The following ICE1 variants were observed in gnomAD, a reference collection of about 807,000 sequenced individuals.
The protein encoded by ICE1 is little elongation complex subunit 1.
In ICE1, 64 loss-of-function variants were observed where a neutral mutation model predicts 192.7. That is an observed-to-expected ratio of 0.33 (90% CI 0.27 to 0.41). ICE1 has a LOEUF of 0.41. Ranked by LOEUF, ICE1 falls within the 10% of genes least tolerant of loss-of-function variation. The pLI is 1.00. For missense variants in ICE1, 2,708 were observed against 2,696.0 expected (o/e 1.00, Z -0.10); for synonymous variants, 1,010 against 984.5 (o/e 1.03, Z -0.49).
intron 17 of ICE1, among the ~76,000 whole-genome samples, chr5:5,481,602 A>C (rs1739504856): frequency 6.6e-6 from 1 of 152,240 alleles, no homozygotes; most frequent in Non-Finnish European, 1.5e-5. Flanking sequence ...TAGTGTCTGC[A>C]AAGCTCTATA....
intron 1 of ICE1, among the ~76,000 whole-genome samples, chr5:5,423,966 A>C (rs1737433006): frequency 6.6e-6 from 1 of 152,122 alleles, no homozygotes; most frequent in East Asian, 1.9e-4. Flanking sequence ...TAGCTAGAGT[A>C]GTCAGGTAGG....
Position 5,447,473 on chromosome 5 carries a change from A to T in ICE1, c.471A>T (p.Glu157Asp). The change falls in exon 8 of 19, where the codon GAA becomes GAT. Residue 157 changes from glutamate (E) to aspartate (D), a missense_variant. Glu to Asp is a conservative substitution (Grantham distance 45). Transcript: ENST00000296564. ...QTQDFKQLRNEKKILEKEFKK... is the reference protein window; with the variant it reads ...QTQDFKQLRNDKKILEKEFKK... ...AGGACTTCAAGCAACTGAGAAATGAAAAGAAAATACTTGAAAAGGAATTTA... is the reference window on the plus strand; with the variant it reads ...AGGACTTCAAGCAACTGAGAAATGATAAGAAAATACTTGAAAAGGAATTTA... 6.4e-7 allele frequency: 1 copy of T among 1,552,830 alleles called. No homozygotes were observed.
intron 1 of ICE1, among the ~76,000 whole-genome samples, chr5:5,432,772 A>G (rs913634085): frequency 2.6e-5 from 4 of 152,172 alleles, no homozygotes; most frequent in Non-Finnish European, 5.9e-5. Flanking sequence ...TATTCCTTTC[A>G]AAAATAACTT....
At chr5:5,476,277 T>G (rs907015152) in intron 17 of ICE1, among the ~76,000 whole-genome samples, 198 bp downstream of exon 17, 1 of 152,192 alleles carries the variant, frequency 6.6e-6, no homozygotes, top group African/African-American at 2.4e-5. Flanking sequence ...TTTTCAGAGA[T>G]TAAGATTTTT....
chr5:5,450,649 A>G (rs1738387856), intron 10 of ICE1, among the ~76,000 whole-genome samples: 1 of 152,220 alleles, frequency 6.6e-6, no homozygotes, highest in Non-Finnish European at 1.5e-5. Flanking sequence ...CCTAAAATCA[A>G]ATGAAACAGA....
In ICE1 at chr5:5,454,506, C is replaced by T. The variant is rs1321836970; in HGVS notation, c.605-46C>T. The T allele has an allele frequency of 5.1e-6, 7 of 1,361,922 alleles. No homozygotes were observed. In the Admixed American group the frequency reaches 5.2e-5, roughly 10 times the overall value. 84.4% of individuals were successfully genotyped at this position (1,361,922 alleles called of 1,614,324 possible). ...CAGAAGTATGTTCTGGCCTTGTGTACGGTGAGCCAAATGACGTGACTTTAA... is the reference window on the plus strand; with the variant it reads ...CAGAAGTATGTTCTGGCCTTGTGTATGGTGAGCCAAATGACGTGACTTTAA... On this transcript the variant is annotated intron_variant, in intron 10 of 18. Transcript: ENST00000296564.
At chr5:5,466,191 C>A in intron 13 of ICE1, 143 bp from the exon 14 acceptor site, 3 of 643,788 alleles carry the variant, frequency 4.7e-6, no homozygotes, top group Non-Finnish European at 4.9e-6. Context: ...AAGTTCTTAC[C>A]AGTTACTATG....
chr5:5,465,699 G>T (rs1738964248), intron 13 of ICE1, among the ~76,000 whole-genome samples: 1 of 152,078 alleles, frequency 6.6e-6, no homozygotes. Flanking sequence ...ATATCCACTG[G>T]TACCTTGCTT....
intron 15 of ICE1, among the ~76,000 whole-genome samples, chr5:5,471,472 C>T (rs187059198): frequency 6.6e-6 from 1 of 152,092 alleles, no homozygotes; most frequent in African/African-American, 2.4e-5. Context: ...AGTAATAAAA[C>T]CCAATTAAAA....
intron 17 of ICE1, among the ~76,000 whole-genome samples, chr5:5,483,440 T>G (rs1169922115): frequency 6.6e-6 from 1 of 152,200 alleles, no homozygotes; most frequent in Non-Finnish European, 1.5e-5. Context: ...GGTCACAGGA[T>G]TAGTACACGG....
chr5:5,440,652 T>C (rs754692140), intron 4 of ICE1, among the ~76,000 whole-genome samples: 1 of 152,172 alleles, frequency 6.6e-6, no homozygotes, highest in African/African-American at 2.4e-5. Context: ...AAAATTTTTA[T>C]ACTATTAAAA....
At chr5:5,423,635 T>C (rs1439388435) in intron 1 of ICE1, among the ~76,000 whole-genome samples, 3 of 152,038 alleles carry the variant, frequency 2.0e-5, no homozygotes, top group Non-Finnish European at 4.4e-5. Flanking sequence ...TTCTTTAGAG[T>C]GACATAAGGG....
chr5:5,431,836 A>AT (rs922761027), intron 1 of ICE1, among the ~76,000 whole-genome samples: 196 of 147,856 alleles, frequency 1.3e-3, no homozygotes, highest in African/African-American at 4.3e-3. Context: ...GAATACCAGT[A>AT]TTTTTTTTTT....
At chr5:5,471,973 A>G (rs1230103793) in intron 15 of ICE1, among the ~76,000 whole-genome samples, 2 of 152,096 alleles carry the variant, frequency 1.3e-5, no homozygotes, top group Admixed American at 6.5e-5. Flanking sequence ...AAATTTATAA[A>G]CCTTTTAAAA....
At chr5:5,485,491 T>C (rs1739617581) in intron 17 of ICE1, among the ~76,000 whole-genome samples, 1 of 152,196 alleles carries the variant, frequency 6.6e-6, no homozygotes, top group Non-Finnish European at 1.5e-5. Context: ...GGCAGAATCT[T>C]TTACTAGCCT....
intron 4 of ICE1, 24 bp from the exon 5 acceptor site, chr5:5,441,088 A>G: frequency 2.2e-6 from 3 of 1,338,132 alleles, no homozygotes; most frequent in Non-Finnish European, 3.1e-6. Flanking sequence ...CTTTTCTGTA[A>G]TAATGTTAAT....
intron 11 of ICE1, among the ~76,000 whole-genome samples, chr5:5,456,242 T>G (rs1409652919): frequency 1.3e-5 from 2 of 152,236 alleles, no homozygotes; most frequent in Non-Finnish European, 2.9e-5. Flanking sequence ...CTTTTTTTCC[T>G]AATGAATCAA....
chr5:5,469,470 A>C (rs539267457), intron 15 of ICE1, among the ~76,000 whole-genome samples: 62 of 152,236 alleles, frequency 4.1e-4, no homozygotes, highest in African/African-American at 1.2e-3. Context: ...TGATATGTTA[A>C]AGTAAGTGTC....
intron 18 of ICE1, 80 bp from the exon 19 acceptor site, chr5:5,489,069 T>G: frequency 8.7e-7 from 1 of 1,145,522 alleles, no homozygotes; most frequent in Non-Finnish European, 1.3e-6. Context: ...ATTTGAATAG[T>G]ATTCCAGTAG....
Sources: allele counts gnomAD v4.1 joint callset (sites outside exome capture counted in the v4.1 genomes callset), GRCh38; gene constraint gnomAD v4.1.1; transcripts MANE v1.5; gene names NCBI Gene and HGNC (gene_info 2026-07-23, HGNC 2026-07-21).